Variants in SLC2A9 observed in about 807,000 individuals in gnomAD.
SLC2A9 encodes solute carrier family 2, facilitated glucose transporter member 9.
Under a neutral mutation model 50.6 loss-of-function variants are expected in SLC2A9, and 39 were observed. The ratio of observed to expected loss-of-function variants is 0.77; its 90% CI spans 0.60 to 1.01. SLC2A9 has a LOEUF of 1.01. Among genes scored for constraint, SLC2A9 ranks in the 50% least tolerant of loss-of-function variants. The probability of loss-of-function intolerance (pLI) is 0.00; values close to 1 mark genes in which losing one functional copy is unlikely to be tolerated. For missense variants in SLC2A9, 686 were observed against 677.6 expected (o/e 1.01, Z -0.14); for synonymous variants, 324 against 276.9 (o/e 1.17, Z -1.69).
chr4:9,930,612 A>G (rs1370606037), intron 6 of SLC2A9, among the ~76,000 whole-genome samples: 1 of 152,218 alleles, frequency 6.6e-6, no homozygotes, highest in Non-Finnish European at 1.5e-5. Flanking sequence ...TGCTCACAGC[A>G]TGCTGGATGA....
intron 10 of SLC2A9, among the ~76,000 whole-genome samples, chr4:9,883,936 G>C (rs1735687859): frequency 6.6e-6 from 1 of 152,222 alleles, no homozygotes; most frequent in Non-Finnish European, 1.5e-5. Context: ...GTGGAGAAGA[G>C]GGTGTTACCC....
chr4:9,879,173 A>T, intron 10 of SLC2A9: 1 of 984,984 alleles, frequency 1.0e-6, no homozygotes, highest in South Asian at 4.7e-5. Flanking sequence ...GGGGGTGGGG[A>T]TACACTAGGA....
chr4:9,810,748 G>T (rs963914594), intron 3 of SLC2A9, among the ~76,000 whole-genome samples: 1 of 152,232 alleles, frequency 6.6e-6, no homozygotes, highest in African/African-American at 2.4e-5. Flanking sequence ...CATTTCTGGC[G>T]GTTGGCTTGG....
Position 9,942,051 on chromosome 4 carries a change from G to A in SLC2A9, c.682-6C>T. Reference sequence around the variant, plus strand: ...AGGTATGGCCAGGTACTCTCCTGTGGGAGAAGGAGATGCTGCTGAGTGCAG... The same window carrying A: ...AGGTATGGCCAGGTACTCTCCTGTGAGAGAAGGAGATGCTGCTGAGTGCAG... On this transcript the variant is annotated splice_polypyrimidine_tract_variant and splice_region_variant and intron_variant, in intron 5 of 11. Coordinates refer to ENST00000264784, the MANE Select transcript of SLC2A9 (RefSeq NM_020041.3). The A allele has an allele frequency of 1.9e-6, 3 of 1,614,028 alleles. No homozygotes were observed. The highest frequency in any genetic ancestry group is 2.5e-6 in the Non-Finnish European group (3 of 1,179,920).
chr4:9,993,632 A>G (rs3775946), intron 3 of SLC2A9, among the ~76,000 whole-genome samples: 107,990 of 151,804 alleles, frequency 0.71, 38,609 homozygotes, highest in Non-Finnish European at 0.76. Flanking sequence ...TAGTGTTTGT[A>G]CACCAAACAT....
At chr4:9,832,876 G>A (rs1226140164) in intron 11 of SLC2A9, among the ~76,000 whole-genome samples, 9 of 152,142 alleles carry the variant, frequency 5.9e-5, no homozygotes, top group Admixed American at 5.9e-4. Flanking sequence ...TGTTGGTGCT[G>A]TTAATGCTCA....
At chr4:9,939,759 T>G (rs1747777980) in intron 6 of SLC2A9, among the ~76,000 whole-genome samples, 1 of 152,152 alleles carries the variant, frequency 6.6e-6, no homozygotes, top group Non-Finnish European at 1.5e-5. Context: ...AACTAGACCT[T>G]CACCCTCCCT....
intron 6 of SLC2A9, among the ~76,000 whole-genome samples, chr4:9,941,679 C>G (rs1049114286): frequency 6.6e-6 from 1 of 152,210 alleles, no homozygotes. Context: ...TCTGTTCTGG[C>G]TTTTCCAGAT....
intron 5 of SLC2A9, among the ~76,000 whole-genome samples, chr4:9,948,865 C>T (rs938787202): frequency 7.9e-5 from 12 of 152,220 alleles, no homozygotes; most frequent in African/African-American, 2.9e-4. Flanking sequence ...GGAACTCAAC[C>T]TAAGACACAT....
chr4:9,823,844 G>A (rs1272182090), downstream of SLC2A9, among the ~76,000 whole-genome samples: 1 of 152,210 alleles, frequency 6.6e-6, no homozygotes, highest in African/African-American at 2.4e-5. Context: ...TGTGTTTCAT[G>A]TATTCTGTGA....
At chr4:9,799,265 G>C (rs1412062311) in intron 3 of SLC2A9, 2 of 150,874 alleles carry the variant, frequency 1.3e-5, no homozygotes, top group Non-Finnish European at 3.0e-5. Context: ...CCTTAGATTA[G>C]GTAATTTATA....
chr4:9,791,499 G>C lies in SLC2A9; in HGVS notation n.386-11434C>G, dbSNP rs11936730. On this transcript the variant is annotated intron_variant and non_coding_transcript_variant, in intron 3 of 3. Coordinates refer to the SLC2A9 transcript ENST00000503803. Reference sequence around the variant, plus strand: ...TTCTGAACTTTAGTTGATGCTGAAGGGGGAGGAGATTTTTAGGGATCTTGG... The same window carrying C: ...TTCTGAACTTTAGTTGATGCTGAAGCGGGAGGAGATTTTTAGGGATCTTGG... 4.0e-3 allele frequency among the ~76,000 whole-genome samples: 602 copies of C among 152,290 alleles called. 6 individuals carry two copies. The highest frequency in any genetic ancestry group is 0.014 in the African/African-American group (578 of 41,562).
chr4:9,994,055 C>A (rs1161069441), intron 3 of SLC2A9, among the ~76,000 whole-genome samples: 2 of 152,246 alleles, frequency 1.3e-5, no homozygotes, highest in African/African-American at 4.8e-5. Flanking sequence ...TTTCCTCTCC[C>A]TCCCTGAGAA....
intron 11 of SLC2A9, among the ~76,000 whole-genome samples, chr4:9,827,249 C>T (rs1247627153): frequency 6.6e-6 from 1 of 152,210 alleles, no homozygotes. Context: ...ACCTCTGTAG[C>T]TCCTGTGCCT....
At chr4:9,908,186 C>T (rs1741033914) in intron 8 of SLC2A9, 49 bp downstream of exon 8, 2 of 1,230,522 alleles carry the variant, frequency 1.6e-6, no homozygotes, top group African/African-American at 1.5e-5. Context: ...TCCCACTGTG[C>T]TGTGTAACCC....
chr4:9,807,465 G>A (rs551287878), intron 3 of SLC2A9, among the ~76,000 whole-genome samples: 17 of 152,282 alleles, frequency 1.1e-4, no homozygotes, highest in African/African-American at 3.6e-4. Flanking sequence ...CATGGTTTAT[G>A]TTGAGACTTG....
At chr4:9,966,430 T>C (rs1444914586) in intron 5 of SLC2A9, among the ~76,000 whole-genome samples, 1 of 152,062 alleles carries the variant, frequency 6.6e-6, no homozygotes, top group Non-Finnish European at 1.5e-5. Flanking sequence ...CCAAGGTGGG[T>C]GGATCACCTG....
chr4:9,969,811 C>G (rs540964283), intron 5 of SLC2A9, among the ~76,000 whole-genome samples: 12 of 152,138 alleles, frequency 7.9e-5, no homozygotes, highest in Admixed American at 4.6e-4. Context: ...AAAATCCACC[C>G]CCATGATTCA....
At chr4:9,990,057 C>T (rs1369807531) in intron 3 of SLC2A9, among the ~76,000 whole-genome samples, 4 of 152,052 alleles carry the variant, frequency 2.6e-5, no homozygotes, top group Non-Finnish European at 5.9e-5. Flanking sequence ...TGTCACAGGC[C>T]GAATGGCACA....
Sources: allele counts gnomAD v4.1 joint callset (sites outside exome capture counted in the v4.1 genomes callset), GRCh38; gene constraint gnomAD v4.1.1; transcripts MANE v1.5; gene names NCBI Gene and HGNC (gene_info 2026-07-23, HGNC 2026-07-21).